The following KATNIP variants were observed in gnomAD, a reference collection of about 807,000 sequenced individuals.
KATNIP encodes katanin interacting protein.
KATNIP carries 126 observed loss-of-function variants against 174.0 expected under a neutral mutation model. The ratio of observed to expected loss-of-function variants is 0.72; its 90% CI spans 0.63 to 0.84. The LOEUF is 0.84. Among genes scored for constraint, KATNIP ranks in the 40% least tolerant of loss-of-function variants. The pLI is 0.00. For synonymous variants in KATNIP, 810 were observed against 835.7 expected (o/e 0.97, Z 0.53); for missense variants, 1,958 against 2,109.7 (o/e 0.93, Z 1.41).
At chr16:27,631,457 A>G (rs1473964670) in intron 5 of KATNIP, among the ~76,000 whole-genome samples, 1 of 151,140 alleles carries the variant, frequency 6.6e-6, no homozygotes. Flanking sequence ...AGGTGGGAGG[A>G]TTGCATGAGC....
At chr16:27,571,394 C>A (rs2090286840) in intron 1 of KATNIP, among the ~76,000 whole-genome samples, 2 of 150,922 alleles carry the variant, frequency 1.3e-5, no homozygotes, top group South Asian at 4.2e-4. Flanking sequence ...ATTAGTATAA[C>A]ATAATTTTAG....
intron 19 of KATNIP, among the ~76,000 whole-genome samples, chr16:27,764,220 G>A (rs1331822989): frequency 6.6e-6 from 1 of 152,148 alleles, no homozygotes; most frequent in African/African-American, 2.4e-5. Flanking sequence ...CCTAAGTGTT[G>A]GATTCTCTCC....
Position 27,779,584 on chromosome 16 carries a change from T to C in KATNIP, c.*955T>C, listed in dbSNP as rs1332177024. The C allele has an allele frequency of 6.6e-6, 1 of 152,392 alleles. No individual in the cohort carries two copies. The highest frequency in any genetic ancestry group is 1.5e-5 in the Non-Finnish European group (1 of 68,148). The allele number at this position is 152,392 out of a possible 1,614,324, so 9.4% of individuals were successfully genotyped here. A position where few individuals can be genotyped will look rare whatever the true frequency, so the allele number is the denominator to read the frequency against. On this transcript the variant is annotated 3_prime_UTR_variant, in exon 28 of 28. Coordinates refer to ENST00000261588, the MANE Select transcript of KATNIP (RefSeq NM_015202.5). ...CTGATCACGGCTGTGCTCACTGATG[T>C]GGCTGCTTTCTGTCTCTGCCCCTGT...
chr16:27,763,913 C>T (rs1028254442), intron 19 of KATNIP, among the ~76,000 whole-genome samples: 4 of 152,106 alleles, frequency 2.6e-5, no homozygotes, highest in Non-Finnish European at 4.4e-5. Context: ...CTCCTTGCTC[C>T]CCTGTATTTC....
At chr16:27,660,510 C>T (rs2077438798) in intron 6 of KATNIP, among the ~76,000 whole-genome samples, 1 of 152,164 alleles carries the variant, frequency 6.6e-6, no homozygotes, top group African/African-American at 2.4e-5. Context: ...GATGGCACCA[C>T]TGCACTCCAG....
chr16:27,595,389 G>A (rs112587845), intron 2 of KATNIP, among the ~76,000 whole-genome samples: 3 of 152,130 alleles, frequency 2.0e-5, no homozygotes, highest in African/African-American at 4.8e-5. Context: ...TGTCTCAAAC[G>A]TACTCACATA....
chr16:27,723,897 G>A (rs902400242), intron 14 of KATNIP, among the ~76,000 whole-genome samples: 4 of 151,948 alleles, frequency 2.6e-5, no homozygotes, highest in Non-Finnish European at 2.9e-5. Context: ...TAGTGATCAC[G>A]TCGTGAGCAC....
chr16:27,623,513 G>A (rs1053518000), intron 3 of KATNIP, among the ~76,000 whole-genome samples: 1 of 152,062 alleles, frequency 6.6e-6, no homozygotes, highest in Admixed American at 6.6e-5. Context: ...AGGTTGGAGT[G>A]CATTGGTGTG....
intron 6 of KATNIP, among the ~76,000 whole-genome samples, chr16:27,661,939 T>C (rs1403241576): frequency 1.6e-4 from 11 of 68,378 alleles, no homozygotes; most frequent in African/African-American, 4.7e-4. Context: ...TATATATATA[T>C]ATATATATAT....
At chr16:27,727,062 C>T (rs1010291897) in intron 14 of KATNIP, among the ~76,000 whole-genome samples, 2 of 152,228 alleles carry the variant, frequency 1.3e-5, no homozygotes, top group African/African-American at 4.8e-5. Flanking sequence ...GGATATTGTC[C>T]AGTGAATGCG....
rs1312262142 is a variant in KATNIP, at chr16:27,740,473, G to A, written c.2176G>A (p.Val726Ile). ...ATSPPVKCPPVHEEPSLIQQL... is the reference protein window; with the variant it reads ...ATSPPVKCPPIHEEPSLIQQL... ...TTCCCCACCTGTGAAGTGCCCTCCT[G>A]TCCATGAGGAGCCCTCTCTCATCCA... Residue 726 changes from valine (V) to isoleucine (I), a missense_variant, in exon 15 of 28, where the codon GTC becomes ATC. Coordinates refer to ENST00000261588, the MANE Select transcript of KATNIP (RefSeq NM_015202.5). 1.2e-6 allele frequency: 2 copies of A among 1,614,138 alleles called. No homozygotes were observed. The highest frequency in any genetic ancestry group is 1.7e-6 in the Non-Finnish European group (2 of 1,180,028).
At chr16:27,756,795 C>T (rs1424462674) in intron 18 of KATNIP, among the ~76,000 whole-genome samples, 3 of 152,120 alleles carry the variant, frequency 2.0e-5, no homozygotes, top group East Asian at 1.9e-4. Context: ...AGTTAGGGGT[C>T]GTCAGTTTCC....
intron 1 of KATNIP, among the ~76,000 whole-genome samples, chr16:27,556,390 T>C (rs1335165475): frequency 6.6e-6 from 1 of 152,198 alleles, no homozygotes; most frequent in Non-Finnish European, 1.5e-5. Context: ...TCCCCAGTAC[T>C]TTAAAAATAT....
At chr16:27,775,839 A>C (rs767531719) in intron 24 of KATNIP, among the ~76,000 whole-genome samples, 3 of 152,064 alleles carry the variant, frequency 2.0e-5, no homozygotes, top group Admixed American at 1.3e-4. Flanking sequence ...TTCTCTGAAA[A>C]CACAGGAAGG....
At chr16:27,553,070 A>G (rs2089459335) in intron 1 of KATNIP, among the ~76,000 whole-genome samples, 1 of 152,242 alleles carries the variant, frequency 6.6e-6, no homozygotes, top group Admixed American at 6.5e-5. Flanking sequence ...ACTGTGTTAC[A>G]TTAAAATCCA....
chr16:27,696,731 CT>C (rs796886653), intron 8 of KATNIP, among the ~76,000 whole-genome samples: 230 of 140,490 alleles, frequency 1.6e-3, no homozygotes, highest in Non-Finnish European at 1.6e-3. Context: ...CATTTTTTTT[CT>C]TTTTTTTTTT....
rs918438179 is a variant in KATNIP, at chr16:27,740,987, G to A, written c.2623+67G>A. On this transcript the variant is annotated intron_variant, in intron 15 of 27. Transcript: ENST00000261588. Reference sequence around the variant, plus strand: ...AGCCCCTCTAATTGGCATGAAGCCAGTTAGCTCCTGGACCTCAGTTTCCTT... The same window carrying A: ...AGCCCCTCTAATTGGCATGAAGCCAATTAGCTCCTGGACCTCAGTTTCCTT... 8.4e-6 allele frequency: 11 copies of A among 1,309,570 alleles called. 1 individual carries two copies. In the South Asian group the frequency reaches 1.0e-4, roughly 12 times the overall value. The allele number at this position is 1,309,570 out of a possible 1,614,324, so 81.1% of individuals were successfully genotyped here.
Position 27,740,380 on chromosome 16 carries a change from T to A in KATNIP, c.2083T>A (p.Leu695Ile), listed in dbSNP as rs757173913. The change falls in exon 15 of 28, where the codon TTA becomes ATA. Residue 695 changes from leucine (L) to isoleucine (I), a missense_variant. Physicochemically the swap from Leu to Ile is conservative, Grantham distance 5. Around this residue, in one of 3 missense-constraint regions of KATNIP, gnomAD observed 1,557 missense variants for 1,617.8 expected, o/e 0.96. Transcript: ENST00000261588. ...TTGCAGGAAAGACAGTTTGTCCCAG[T>A]TAGAGGAATATTTGAGACTGTCGGC... is the stretch of plus-strand genomic sequence containing the variant. ...TNCRKDSLSQ[L>I]EEYLRLSAVP... is the part of the protein sequence containing the mutation. 1 of 1,614,070 alleles carries A rather than the reference T, an allele frequency of 6.2e-7. No homozygotes were observed. The highest frequency in any genetic ancestry group is 2.2e-5 in the East Asian group (1 of 44,904).
intron 3 of KATNIP, among the ~76,000 whole-genome samples, chr16:27,623,842 C>T (rs977971526): frequency 6.6e-5 from 10 of 152,034 alleles, no homozygotes; most frequent in African/African-American, 2.4e-4. Flanking sequence ...ACAATTAAGC[C>T]GCTGCCCTCT....
Sources: gnomAD v4.1 joint callset for allele counts (sites outside exome capture counted in the v4.1 genomes callset) on GRCh38, gnomAD v4.1.1 for gene constraint, gnomAD v4.1.1 regional missense constraint, MANE v1.5 for transcripts, NCBI Gene and HGNC (gene_info 2026-07-23, HGNC 2026-07-21) for gene names.